SLC26A8: variants seen among roughly 807,000 people sequenced by gnomAD.
SLC26A8 encodes solute carrier family 26 member 8.
Under a neutral mutation model 105.0 loss-of-function variants are expected in SLC26A8, and 70 were observed. The ratio of observed to expected loss-of-function variants is 0.67; its 90% CI spans 0.55 to 0.81. The LOEUF (loss-of-function observed/expected upper bound fraction) is 0.81. Among genes scored for constraint, SLC26A8 ranks in the 40% least tolerant of loss-of-function variants. The pLI is 0.00. For missense variants in SLC26A8, 998 were observed against 1,181.8 expected (o/e 0.84, Z 2.28); for synonymous variants, 415 against 438.3 (o/e 0.95, Z 0.66).
rs769348959 is a variant in SLC26A8, at chr6:35,960,904, A to T, written c.1577T>A (p.Ile526Asn). The T allele has an allele frequency of 9.9e-6, 16 of 1,614,148 alleles. No homozygotes were observed. Among genetic ancestry groups the T allele is most frequent in the Non-Finnish European group, 1.2e-5 (14 of 1,180,018 alleles). ...GTTAGGGATTTGACCCAGGAGAAGA[A>T]TCTTAGCTCTGAAAGGAAATGCACT... The part of the protein sequence containing the change: ...ITTVRSHRAK[I>N]LLLGQIPNTN... Residue 526 changes from isoleucine (I) to asparagine (N), a missense_variant, in exon 14 of 20, where the codon ATT becomes AAT. Transcript: ENST00000490799.
At chr6:35,946,708 G>T (rs1771688975) in intron 19 of SLC26A8, among the ~76,000 whole-genome samples, 2 of 150,634 alleles carry the variant, frequency 1.3e-5, no homozygotes, top group Non-Finnish European at 3.0e-5. Context: ...CTTTTTTTTT[G>T]ACCGGGTCTT....
At position 35,961,171 on chromosome 6, in the gene SLC26A8, T is replaced by C. The variant is rs576232805; in HGVS notation, c.1462-72A>G. ...AACTGAGAAAATGATCAGTCCTGTT[T>C]CTCAACTCACCTTCACCCTCTCCCT... is the stretch of plus-strand genomic sequence containing the variant. On this transcript the variant is annotated intron_variant, in intron 12 of 19. Coordinates refer to ENST00000490799, the MANE Select transcript of SLC26A8 (RefSeq NM_052961.4). 2.5e-5 allele frequency: 31 copies of C among 1,224,758 alleles called. No homozygotes were observed. The South Asian group carries it at 3.7e-4, about 15-fold the overall frequency. 75.9% of individuals were successfully genotyped at this position (1,224,758 alleles called of 1,614,324 possible).
chr6:35,979,007 A>ATTTTTTTTTTT (rs34335766), intron 8 of SLC26A8, among the ~76,000 whole-genome samples: 5 of 98,348 alleles, frequency 5.1e-5, no homozygotes, highest in Admixed American at 2.3e-4. Flanking sequence ...CACCTGGCTA[A>ATTTTTTTTTTT]TTTTTTTTTT....
chr6:36,020,472 T>G (rs1428414652), intron 1 of SLC26A8, among the ~76,000 whole-genome samples: 1 of 152,044 alleles, frequency 6.6e-6, no homozygotes, highest in Non-Finnish European at 1.5e-5. Flanking sequence ...GAAACAAAAT[T>G]AGCTGGGCAT....
chr6:35,943,644 T>C lies in SLC26A8; in HGVS notation c.*256A>G. The C allele has an allele frequency of 4.3e-6, 2 of 465,486 alleles. No homozygotes were observed. Among genetic ancestry groups the C allele is most frequent in the East Asian group, 3.7e-5 (1 of 27,142 alleles). 28.8% of individuals were successfully genotyped at this position (465,486 alleles called of 1,614,324 possible). On this transcript the variant is annotated 3_prime_UTR_variant, in exon 20 of 20. Coordinates refer to ENST00000490799, the MANE Select transcript of SLC26A8 (RefSeq NM_052961.4). The stretch of plus-strand genomic sequence containing the variant: ...TGGGGTGTGTGAAGAAGGAAATTCA[T>C]GACTAGAATATATGCTGAAGGTGAA...
chr6:35,960,525 G>T, intron 14 of SLC26A8: 1 of 284,384 alleles, frequency 3.5e-6, no homozygotes, highest in Non-Finnish European at 6.6e-6. Context: ...GTATGATGGG[G>T]CACGCCTGTA....
chr6:35,951,091 A>ACCCCCCCCCCCC, intron 19 of SLC26A8, 72 bp downstream of exon 19: 2 of 1,256,380 alleles, frequency 1.6e-6, no homozygotes, highest in Non-Finnish European at 2.2e-6. Context: ...CCAGCCCCCA[A>ACCCCCCCCCCCC]CCACCCCTCA....
intron 11 of SLC26A8, 136 bp from the exon 12 acceptor site, chr6:35,962,757 C>G: frequency 1.4e-6 from 1 of 697,292 alleles, no homozygotes; most frequent in East Asian, 2.7e-5. Context: ...AATACCATGT[C>G]TATGTTCCAA....
At chr6:35,985,064 G>T (rs771325050) in intron 7 of SLC26A8, among the ~76,000 whole-genome samples, 1 of 152,054 alleles carries the variant, frequency 6.6e-6, no homozygotes, top group Non-Finnish European at 1.5e-5. Context: ...CCAGACATTC[G>T]TCTCTATTGA....
intron 11 of SLC26A8, among the ~76,000 whole-genome samples, chr6:35,963,536 T>C (rs1429823812): frequency 2.0e-5 from 3 of 152,196 alleles, no homozygotes; most frequent in Non-Finnish European, 4.4e-5. Flanking sequence ...TTCAAACCTA[T>C]ACTATTGTCA....
In SLC26A8 at chr6:35,962,550, C is replaced by T; in HGVS notation, c.1437G>A (p.Leu479=). 6.2e-7 allele frequency: 1 copy of T among 1,614,120 alleles called. No individual in the cohort carries two copies. Among genetic ancestry groups the T allele is most frequent in the Non-Finnish European group, 8.5e-7 (1 of 1,180,014 alleles). Residue 479 remains leucine (L), a synonymous_variant, in exon 12 of 20, where the codon CTG becomes CTA. Coordinates refer to ENST00000490799, the MANE Select transcript of SLC26A8 (RefSeq NM_052961.4). ...CACAGTCATATTGGTCCTGCCTCCACAGGCTGGGTAGGTTAGAAATGGTTT... is the reference window on the plus strand; with the variant it reads ...CACAGTCATATTGGTCCTGCCTCCATAGGCTGGGTAGGTTAGAAATGGTTT... ...YLETISNLPS[L]WRQDQYDCAL...
chr6:35,956,265 GC>G (rs1472824485), intron 16 of SLC26A8, among the ~76,000 whole-genome samples: 1 of 150,628 alleles, frequency 6.6e-6, no homozygotes, highest in African/African-American at 2.4e-5. Context: ...ACCCTGTCGT[GC>G]CCCCCTGCCC....
chr6:35,943,793 AG>A lies in SLC26A8; in HGVS notation c.*106del. 1 of 1,480,320 alleles carries A rather than the reference AG, an allele frequency of 6.8e-7. No homozygotes were observed. Among genetic ancestry groups the A allele is most frequent in the Middle Eastern group, 1.9e-4 (1 of 5,330 alleles). 91.7% of individuals were successfully genotyped at this position (1,480,320 alleles called of 1,614,324 possible). ...CAGGTAGTAGGAGTCACAGTCAGGAAGGAAGTACTGCTAGTTCGTATCCAGT... is the reference window on the plus strand; with the variant it reads ...CAGGTAGTAGGAGTCACAGTCAGGAAGAAGTACTGCTAGTTCGTATCCAGT... On this transcript the variant is annotated 3_prime_UTR_variant, in exon 20 of 20. Transcript: ENST00000490799.
At chr6:36,017,017 C>G (rs1762011143) in intron 2 of SLC26A8, among the ~76,000 whole-genome samples, 1 of 151,972 alleles carries the variant, frequency 6.6e-6, no homozygotes, top group South Asian at 2.1e-4. Context: ...ACTAAAAATG[C>G]AAAAATTAGC....
chr6:35,975,103 G>A (rs1426888421), intron 10 of SLC26A8, among the ~76,000 whole-genome samples: 1 of 152,044 alleles, frequency 6.6e-6, no homozygotes, highest in African/African-American at 2.4e-5. Context: ...TACATGGAAA[G>A]TGGGGTTTTG....
chr6:35,968,497 T>A (rs1228184073), intron 11 of SLC26A8, among the ~76,000 whole-genome samples: 1 of 150,152 alleles, frequency 6.7e-6, no homozygotes, highest in Non-Finnish European at 1.5e-5. Context: ...CTATAACTAA[T>A]GTTTCTTGAG....
chr6:35,956,731 C>T (rs1268633436), intron 16 of SLC26A8, among the ~76,000 whole-genome samples: 1 of 152,078 alleles, frequency 6.6e-6, no homozygotes, highest in African/African-American at 2.4e-5. Flanking sequence ...ACCAGCCTGA[C>T]CAACATGGCG....
rs188651717 is a variant in SLC26A8 at position 35,968,387 on chromosome 6, T to C, written c.1365+490A>G. On this transcript the variant is annotated intron_variant, in intron 11 of 19. Coordinates refer to ENST00000490799, the MANE Select transcript of SLC26A8 (RefSeq NM_052961.4). Reference sequence around the variant, plus strand: ...CTTGAACTCCTGACTTCAGGTAATCTGCCCAGCTTGGCCTCCCAAAGTGCT... The same window carrying C: ...CTTGAACTCCTGACTTCAGGTAATCCGCCCAGCTTGGCCTCCCAAAGTGCT... Among the ~76,000 whole-genome samples, 57 of 151,526 alleles carry C rather than the reference T, an allele frequency of 3.8e-4. No homozygotes were observed. The East Asian group carries it at 0.011, about 29-fold the overall frequency.
intron 7 of SLC26A8, 56 bp from the exon 8 acceptor site, chr6:35,982,259 A>T: frequency 6.4e-7 from 1 of 1,558,692 alleles, no homozygotes; most frequent in Non-Finnish European, 8.8e-7. Context: ...AATATAGTGC[A>T]TCGCTTCTAG....
Sources: allele counts gnomAD v4.1 joint callset (sites outside exome capture counted in the v4.1 genomes callset), GRCh38; gene constraint gnomAD v4.1.1; transcripts MANE v1.5; gene names NCBI Gene and HGNC (gene_info 2026-07-23, HGNC 2026-07-21).